Variants in SNX24 observed in about 807,000 individuals in gnomAD.
The protein encoded by SNX24 is sorting nexin-24.
In SNX24, 22 loss-of-function variants were observed where a neutral mutation model predicts 28.7. The ratio of observed to expected loss-of-function variants is 0.77; its 90% CI spans 0.55 to 1.10. The LOEUF (loss-of-function observed/expected upper bound fraction) is 1.10, where lower values mean the gene tolerates loss of function less well. Among genes scored for constraint, SNX24 ranks in the 50% least tolerant of loss-of-function variants. The pLI is 0.00. For missense variants in SNX24, 221 were observed against 201.1 expected, an observed-to-expected ratio of 1.10 and a Z score of -0.60; for synonymous variants, 69 against 71.5, an observed-to-expected ratio of 0.96 and a Z score of 0.18.
At chr5:122,886,599 G>A (rs1419431501) in intron 1 of SNX24, among the ~76,000 whole-genome samples, 1 of 152,088 alleles carries the variant, frequency 6.6e-6, no homozygotes, top group Admixed American at 6.6e-5. Flanking sequence ...GGAATCACGA[G>A]GTCAGGAGTT....
intron 3 of SNX24, among the ~76,000 whole-genome samples, chr5:122,969,495 T>C (rs1367671737): frequency 6.6e-6 from 1 of 152,180 alleles, no homozygotes; most frequent in African/African-American, 2.4e-5. Flanking sequence ...TGAGAGGGAA[T>C]TGTGGCTAGT....
chr5:122,953,957 A>G (rs997834905), intron 3 of SNX24, among the ~76,000 whole-genome samples: 1 of 152,186 alleles, frequency 6.6e-6, no homozygotes, highest in Non-Finnish European at 1.5e-5. Flanking sequence ...TTGTTAAATA[A>G]TAGTAGATGC....
At chr5:122,918,393 A>G (rs1196135856) in intron 1 of SNX24, among the ~76,000 whole-genome samples, 1 of 152,194 alleles carries the variant, frequency 6.6e-6, no homozygotes, top group Admixed American at 6.5e-5. Flanking sequence ...TATAATTTGG[A>G]TGACTACCAA....
At position 123,014,773 on chromosome 5, in the gene SNX24, C is replaced by T. The variant is rs116408468; in HGVS notation, n.383+12769C>T. ...AAAACATTTAAATTTCTGCTGCCCT[C>T]TCCGAGTTCTTTCTACATTCTTCCT... On this transcript the variant is annotated intron_variant and non_coding_transcript_variant, in intron 5 of 5. Coordinates refer to the SNX24 transcript ENST00000502387. 3.5e-3 allele frequency among the ~76,000 whole-genome samples: 530 copies of T among 152,344 alleles called. 3 individuals carry two copies. The highest frequency in any genetic ancestry group is 0.011 in the African/African-American group (461 of 41,576).
At chr5:122,920,638 A>G (rs1758392284) in intron 1 of SNX24, among the ~76,000 whole-genome samples, 1 of 152,212 alleles carries the variant, frequency 6.6e-6, no homozygotes, top group African/African-American at 2.4e-5. Context: ...GGTCAACCCC[A>G]TCAAATCCCC....
intron 1 of SNX24, among the ~76,000 whole-genome samples, chr5:122,901,124 C>A (rs1488391617): frequency 6.6e-6 from 1 of 151,068 alleles, no homozygotes; most frequent in East Asian, 2.0e-4. Context: ...TCGCTTGAAC[C>A]TGAAAGGTGG....
chr5:122,852,122 A>G (rs1052687210), intron 1 of SNX24, among the ~76,000 whole-genome samples: 4 of 150,244 alleles, frequency 2.7e-5, no homozygotes, highest in East Asian at 1.9e-4. Flanking sequence ...ATCTATATCT[A>G]TATCTATATA....
intron 6 of SNX24, among the ~76,000 whole-genome samples, chr5:123,005,813 G>A (rs1040294005): frequency 6.6e-6 from 1 of 151,912 alleles, no homozygotes; most frequent in Non-Finnish European, 1.5e-5. Flanking sequence ...TTTTTTATTG[G>A]GCTCTAAATA....
At chr5:122,894,100 C>G (rs1006673553) in intron 1 of SNX24, among the ~76,000 whole-genome samples, 2 of 151,310 alleles carry the variant, frequency 1.3e-5, no homozygotes, top group African/African-American at 4.9e-5. Context: ...ATTTAGTATG[C>G]AGTTAGGCTC....
At chr5:122,892,917 C>T (rs1300489129) in intron 1 of SNX24, among the ~76,000 whole-genome samples, 1 of 151,796 alleles carries the variant, frequency 6.6e-6, no homozygotes, top group African/African-American at 2.4e-5. Context: ...AGGCACGTGC[C>T]ACCATGCCAA....
At chr5:123,005,193 T>G (rs1461584334) in intron 6 of SNX24, among the ~76,000 whole-genome samples, 1 of 152,216 alleles carries the variant, frequency 6.6e-6, no homozygotes, top group Non-Finnish European at 1.5e-5. Flanking sequence ...TTTGCTTCCT[T>G]CATAGTAATG....
chr5:122,854,131 G>C (rs1755060461), intron 1 of SNX24, among the ~76,000 whole-genome samples: 1 of 151,486 alleles, frequency 6.6e-6, no homozygotes, highest in Non-Finnish European at 1.5e-5. Context: ...GCACTACACA[G>C]ATGAAAGGGA....
At chr5:123,026,419 C>A (rs773445909) in intron 5 of SNX24, among the ~76,000 whole-genome samples, 3 of 152,190 alleles carry the variant, frequency 2.0e-5, no homozygotes, top group African/African-American at 4.8e-5. Context: ...AGCACCCAAC[C>A]AGGATGCACC....
intron 5 of SNX24, among the ~76,000 whole-genome samples, chr5:123,021,056 G>C (rs1168781991): frequency 6.6e-6 from 1 of 152,042 alleles, no homozygotes; most frequent in East Asian, 1.9e-4. Flanking sequence ...CACCCAGCCT[G>C]CCCATCACTG....
chr5:122,954,921 C>T (rs1760139505), intron 3 of SNX24, among the ~76,000 whole-genome samples: 1 of 152,182 alleles, frequency 6.6e-6, no homozygotes, highest in African/African-American at 2.4e-5. Context: ...TTATCTGATT[C>T]AAAAGTTTTA....
At chr5:122,923,998 T>C (rs1205693585) in intron 1 of SNX24, among the ~76,000 whole-genome samples, 1 of 152,216 alleles carries the variant, frequency 6.6e-6, no homozygotes, top group Non-Finnish European at 1.5e-5. Flanking sequence ...TCATAGTACT[T>C]CATGGTGTGT....
intron 5 of SNX24, among the ~76,000 whole-genome samples, chr5:123,017,442 TTAAGA>T (rs1444604558): frequency 6.6e-6 from 1 of 151,854 alleles, no homozygotes; most frequent in Non-Finnish European, 1.5e-5. Context: ...TTTTTTTTTT[TTAAGA>T]TAAGTCTTTT....
chr5:122,929,063 C>T (rs1758835806), intron 1 of SNX24, among the ~76,000 whole-genome samples: 1 of 151,998 alleles, frequency 6.6e-6, no homozygotes, highest in Admixed American at 6.5e-5. Flanking sequence ...TGTCTGTGTT[C>T]ATTGTTGTAT....
intron 1 of SNX24, among the ~76,000 whole-genome samples, chr5:122,871,606 T>A (rs1277163868): frequency 2.0e-5 from 3 of 152,054 alleles, no homozygotes; most frequent in Non-Finnish European, 4.4e-5. Flanking sequence ...CCGTCTCTAC[T>A]AAAAATACAA....
Sources: gnomAD v4.1 joint callset for allele counts (sites outside exome capture counted in the v4.1 genomes callset) on GRCh38, gnomAD v4.1.1 for gene constraint, MANE v1.5 for transcripts, NCBI Gene and HGNC (gene_info 2026-07-23, HGNC 2026-07-21) for gene names.